Variants in PDE7B observed in about 807,000 individuals in gnomAD.
PDE7B encodes the protein phosphodiesterase 7B, also known as 3',5'-cyclic-AMP phosphodiesterase 7B.
PDE7B carries 29 observed loss-of-function variants against 56.2 expected under a neutral mutation model. That is an observed-to-expected ratio of 0.52 (90% CI 0.38 to 0.70). The LOEUF (loss-of-function observed/expected upper bound fraction) is 0.70. Ranked by LOEUF, PDE7B falls within the 30% of genes least tolerant of loss-of-function variation. The probability of loss-of-function intolerance (pLI) is 0.00; values close to 1 mark genes in which losing one functional copy is unlikely to be tolerated. For missense variants in PDE7B, 490 were observed against 565.0 expected, an observed-to-expected ratio of 0.87 and a Z score of 1.35; for synonymous variants, 197 against 196.9, an observed-to-expected ratio of 1.00 and a Z score of 0.00.
At chr6:136,157,004 T>C (rs1778620275) in intron 8 of PDE7B, among the ~76,000 whole-genome samples, 1 of 152,226 alleles carries the variant, frequency 6.6e-6, no homozygotes, top group Non-Finnish European at 1.5e-5. Context: ...TGATGTAGTA[T>C]ATTATTAATC....
At chr6:136,010,500 G>A (rs1775873935) in intron 2 of PDE7B, among the ~76,000 whole-genome samples, 1 of 151,368 alleles carries the variant, frequency 6.6e-6, no homozygotes, top group Non-Finnish European at 1.5e-5. Context: ...CCACCTCCTG[G>A]GTTCAAGCGA....
At chr6:136,011,779 A>G (rs2128207264) in intron 2 of PDE7B, among the ~76,000 whole-genome samples, 1 of 152,344 alleles carries the variant, frequency 6.6e-6, no homozygotes, top group East Asian at 1.9e-4. Flanking sequence ...GAGTGGCTGC[A>G]CTTGGAATCA....
intron 2 of PDE7B, among the ~76,000 whole-genome samples, chr6:135,949,779 G>A (rs930596135): frequency 4.6e-5 from 7 of 152,038 alleles, no homozygotes; most frequent in African/African-American, 1.7e-4. Flanking sequence ...GAGAATGGAA[G>A]TTTTTATTAG....
intron 2 of PDE7B, chr6:136,094,038 A>T (rs1446929222): frequency 6.5e-6 from 1 of 153,778 alleles, no homozygotes; most frequent in Non-Finnish European, 1.4e-5. Context: ...CTGTGGTTCT[A>T]GAGGCTGGGA....
intron 1 of PDE7B, among the ~76,000 whole-genome samples, chr6:135,924,345 G>A (rs1346975505): frequency 6.6e-6 from 1 of 152,150 alleles, no homozygotes; most frequent in Admixed American, 6.5e-5. Flanking sequence ...CTTTGAGGGT[G>A]GCCCCACATT....
chr6:135,916,765 A>G (rs901859791), intron 1 of PDE7B, among the ~76,000 whole-genome samples: 4 of 152,096 alleles, frequency 2.6e-5, no homozygotes, highest in Non-Finnish European at 5.9e-5. Context: ...GTTTTAAAAA[A>G]TATATTCTAC....
intron 3 of PDE7B, among the ~76,000 whole-genome samples, chr6:136,140,514 A>G (rs1778302544): frequency 1.3e-5 from 2 of 152,204 alleles, no homozygotes; most frequent in Middle Eastern, 3.2e-3. Flanking sequence ...GAAGAAAGTC[A>G]TTGGTAGCTT....
At chr6:136,151,665 G>T (rs1270557075) in intron 6 of PDE7B, among the ~76,000 whole-genome samples, 1 of 152,176 alleles carries the variant, frequency 6.6e-6, no homozygotes, top group Non-Finnish European at 1.5e-5. Flanking sequence ...AAAAGAAAAT[G>T]TTCTTTTAAA....
chr6:136,183,072 C>CAAAAAAAAAAAAAAA, intron 11 of PDE7B, among the ~76,000 whole-genome samples: 1 of 50,536 alleles, frequency 2.0e-5, no homozygotes, highest in African/African-American at 7.1e-5. Flanking sequence ...ACTCCGTCTC[C>CAAAAAAAAAAAAAAA]AAAAAAAAAA....
chr6:135,940,750 A>G (rs1364769052), intron 1 of PDE7B, among the ~76,000 whole-genome samples: 1 of 152,178 alleles, frequency 6.6e-6, no homozygotes, highest in Non-Finnish European at 1.5e-5. Context: ...GCAGCTGCAC[A>G]TCATGCAGCT....
intron 1 of PDE7B, among the ~76,000 whole-genome samples, chr6:135,880,426 C>G (rs1210484411): frequency 1.3e-5 from 2 of 152,044 alleles, no homozygotes; most frequent in Non-Finnish European, 2.9e-5. Flanking sequence ...TCAAGAGGCA[C>G]TTTTTAAGCA....
At chr6:136,168,392 T>C (rs1474280034) in intron 8 of PDE7B, among the ~76,000 whole-genome samples, 1 of 152,186 alleles carries the variant, frequency 6.6e-6, no homozygotes, top group Non-Finnish European at 1.5e-5. Context: ...GTGGATAGCA[T>C]GATCATACCA....
intron 2 of PDE7B, among the ~76,000 whole-genome samples, chr6:136,008,223 C>T (rs565690551): frequency 6.6e-6 from 1 of 152,158 alleles, no homozygotes; most frequent in East Asian, 1.9e-4. Context: ...TTTCTTAATC[C>T]AGTCTATCAT....
At chr6:136,122,637 G>A (rs1039407014) in intron 3 of PDE7B, among the ~76,000 whole-genome samples, 1 of 152,114 alleles carries the variant, frequency 6.6e-6, no homozygotes, top group South Asian at 2.1e-4. Flanking sequence ...TTGTATATTG[G>A]AATTCTAAAA....
intron 8 of PDE7B, 92 bp from the exon 9 acceptor site, chr6:136,173,705 G>A: frequency 1.2e-6 from 1 of 855,266 alleles, no homozygotes; most frequent in East Asian, 2.5e-5. Flanking sequence ...AAACTGGAGG[G>A]AAAATGCTAG....
chr6:135,916,777 T>C (rs1773957940), intron 1 of PDE7B, among the ~76,000 whole-genome samples: 1 of 152,156 alleles, frequency 6.6e-6, no homozygotes, highest in Non-Finnish European at 1.5e-5. Flanking sequence ...ATATTCTACA[T>C]ACAATTTCAT....
At chr6:136,191,524 G>C (rs548921172) in intron 12 of PDE7B, 90 bp from the exon 13 acceptor site, 2 of 1,073,046 alleles carry the variant, frequency 1.9e-6, no homozygotes, top group South Asian at 1.4e-5. Context: ...AAAATTAGCC[G>C]GGCGTGGTGG....
At chr6:136,082,945 A>C (rs1172292269) in intron 2 of PDE7B, among the ~76,000 whole-genome samples, 3 of 152,260 alleles carry the variant, frequency 2.0e-5, no homozygotes, top group South Asian at 2.1e-4. Flanking sequence ...CAGGAAAAGG[A>C]TGGCATCAAT....
chr6:135,863,704 T>A (rs991665471), intron 1 of PDE7B, among the ~76,000 whole-genome samples: 1 of 151,836 alleles, frequency 6.6e-6, no homozygotes. Flanking sequence ...TTTTTTTTTT[T>A]TTTTTGCCTT....
Sources: gnomAD v4.1 joint callset for allele counts (sites outside exome capture counted in the v4.1 genomes callset) on GRCh38, gnomAD v4.1.1 for gene constraint, MANE v1.5 for transcripts, NCBI Gene and HGNC (gene_info 2026-07-23, HGNC 2026-07-21) for gene names.